SNX6: variants seen among roughly 807,000 people sequenced by gnomAD.
SNX6 encodes sorting nexin-6.
A neutral mutation model predicts 63.0 loss-of-function variants in SNX6; 34 were observed. The observed-to-expected ratio is 0.54, with a 90% CI of 0.41 to 0.72. The LOEUF (loss-of-function observed/expected upper bound fraction) is 0.72, where lower values mean the gene tolerates loss of function less well. SNX6 is among the 30% of genes least tolerant of loss of function. The pLI, the probability that SNX6 is intolerant of heterozygous loss-of-function variation, is 0.00. For synonymous variants in SNX6, 170 were observed against 164.2 expected (o/e 1.04, Z -0.27); for missense variants, 398 against 471.4 (o/e 0.84, Z 1.44).
chr14:34,593,419 A>T (rs1190536949), intron 7 of SNX6, among the ~76,000 whole-genome samples: 6 of 148,292 alleles, frequency 4.0e-5, no homozygotes, highest in Non-Finnish European at 4.5e-5. Flanking sequence ...TTTTTTTTTG[A>T]GATGGAGTCT....
intron 2 of SNX6, among the ~76,000 whole-genome samples, chr14:34,615,851 C>A (rs1182026386): frequency 6.6e-6 from 1 of 152,190 alleles, no homozygotes; most frequent in Non-Finnish European, 1.5e-5. Context: ...AATAAAATCA[C>A]CCCCCACCAT....
chr14:34,568,868 C>A, intron 11 of SNX6: 3 of 1,111,976 alleles, frequency 2.7e-6, no homozygotes, highest in Non-Finnish European at 4.1e-6. Context: ...CCAGGCATGC[C>A]GCCACTTCTC....
intron 2 of SNX6, among the ~76,000 whole-genome samples, chr14:34,613,035 T>A (rs1313802968): frequency 9.1e-6 from 1 of 109,530 alleles, no homozygotes; most frequent in African/African-American, 3.3e-5. Context: ...AGAGTGAGAC[T>A]CTATCCAAAA....
chr14:34,588,448 A>G (rs533385613), intron 8 of SNX6, among the ~76,000 whole-genome samples: 5 of 152,108 alleles, frequency 3.3e-5, no homozygotes, highest in Admixed American at 1.3e-4. Flanking sequence ...ATTGGGTTTC[A>G]CCATGTTGCC....
chr14:34,586,350 T>TA, intron 8 of SNX6, 45 bp from the exon 9 acceptor site: 1 of 1,241,552 alleles, frequency 8.1e-7, no homozygotes, highest in Non-Finnish European at 1.2e-6. Flanking sequence ...TTCATAGATT[T>TA]AAAAATACTT....
chr14:34,606,352 C>T (rs907197877), intron 4 of SNX6, among the ~76,000 whole-genome samples: 4 of 151,830 alleles, frequency 2.6e-5, no homozygotes, highest in Non-Finnish European at 5.9e-5. Context: ...AACTCCTGGC[C>T]TCAGGTGATC....
chr14:34,624,012 T>C (rs1883728261), intron 2 of SNX6, among the ~76,000 whole-genome samples: 1 of 152,194 alleles, frequency 6.6e-6, no homozygotes, highest in South Asian at 2.1e-4. Context: ...ACCTATTATA[T>C]AGAGGTAGGG....
chr14:34,605,715 A>C lies in SNX6; in HGVS notation c.273T>G (p.Ile91Met). The C allele has an allele frequency of 1.3e-6, 2 of 1,593,576 alleles. No individual in the cohort carries two copies. Among genetic ancestry groups the C allele is most frequent in the African/African-American group, 1.4e-5 (1 of 73,270 alleles). ...AATCAGGTCTTGGTGGTGCTGGTGG[A>C]ATCTGTAACAGGACCAAATGACTAA... ...VENEDYAGYI[I>M]PPAPPRPDFD... is the part of the protein sequence containing the mutation. Residue 91 changes from isoleucine to methionine, a missense_variant and splice_region_variant, in exon 5 of 14, where the codon ATT becomes ATG. Coordinates refer to ENST00000362031, the MANE Select transcript of SNX6 (RefSeq NM_152233.4).
At chr14:34,605,178 C>T (rs1273617090) in intron 5 of SNX6, among the ~76,000 whole-genome samples, 1 of 151,072 alleles carries the variant, frequency 6.6e-6, no homozygotes, top group Non-Finnish European at 1.5e-5. Flanking sequence ...AATATGCCCA[C>T]ATTGAAAAAA....
chr14:34,571,658 T>A (rs1016968558), intron 11 of SNX6, among the ~76,000 whole-genome samples: 30 of 152,118 alleles, frequency 2.0e-4, no homozygotes, highest in Non-Finnish European at 1.0e-4. Context: ...ACAACAAAAA[T>A]ACTGTGTATA....
chr14:34,573,065 T>C (rs1471509212), intron 11 of SNX6, among the ~76,000 whole-genome samples: 1 of 152,084 alleles, frequency 6.6e-6, no homozygotes, highest in Non-Finnish European at 1.5e-5. Context: ...CACTGCAGCT[T>C]TGAACTCCTG....
intron 2 of SNX6, among the ~76,000 whole-genome samples, chr14:34,622,084 T>C (rs1383491486): frequency 1.3e-5 from 2 of 149,896 alleles, no homozygotes; most frequent in Non-Finnish European, 3.0e-5. Context: ...TCAGTTTCCC[T>C]AGTAGCTGGG....
intron 2 of SNX6, among the ~76,000 whole-genome samples, chr14:34,627,603 C>T (rs1322992002): frequency 6.6e-6 from 1 of 152,158 alleles, no homozygotes; most frequent in South Asian, 2.1e-4. Flanking sequence ...GATTCTCCTG[C>T]CTCAGCCTCT....
At position 34,629,943 on chromosome 14, in the gene SNX6, G is replaced by A; in HGVS notation, c.18C>T (p.Asp6=). ...CTTCTGAGAGGAAGTCCGGGCCGTC[G>A]TCCAGGCCTTCCTGTGGGGTCGGCG... MMEGL[D]DGPDFLSEED... Residue 6 remains aspartate, a synonymous_variant, in exon 2 of 14, where the codon GAC becomes GAT. Coordinates refer to ENST00000362031, the MANE Select transcript of SNX6 (RefSeq NM_152233.4). 1 of 1,548,924 alleles carries A rather than the reference G, an allele frequency of 6.5e-7. No individual in the cohort carries two copies. Among genetic ancestry groups the A allele is most frequent in the South Asian group, 1.2e-5 (1 of 82,856 alleles).
Position 34,566,717 on chromosome 14 carries a change from G to A in SNX6, c.1167+969C>T, listed in dbSNP as rs144579836. ...TTCTTAAAATTACTATAAGGTTTAG[G>A]CCAAACTTTCTATTAACTACAAGAA... On this transcript the variant is annotated intron_variant, in intron 13 of 13. Transcript: ENST00000362031. 9.5e-4 allele frequency among the ~76,000 whole-genome samples: 145 copies of A among 152,090 alleles called. 3 individuals carry two copies. The East Asian group carries it at 0.025, about 27-fold the overall frequency.
chr14:34,617,437 C>T (rs943848682), intron 2 of SNX6, among the ~76,000 whole-genome samples: 4 of 151,660 alleles, frequency 2.6e-5, no homozygotes, highest in African/African-American at 4.9e-5. Context: ...GTCAGGAGTT[C>T]GAGACCAGCA....
chr14:34,628,445 C>G (rs1262628046), intron 2 of SNX6, among the ~76,000 whole-genome samples: 3 of 151,992 alleles, frequency 2.0e-5, no homozygotes, highest in African/African-American at 4.8e-5. Flanking sequence ...GGTGACAGAG[C>G]AAGACTCCGT....
At chr14:34,568,820 C>T in intron 11 of SNX6, 1 of 1,028,998 alleles carries the variant, frequency 9.7e-7, no homozygotes, top group Non-Finnish European at 1.5e-6. Context: ...GCTTGGAGGA[C>T]CCGGTGGGCC....
At position 34,568,654 on chromosome 14, in the gene SNX6, G is replaced by A. The variant is rs562245739; in HGVS notation, c.922-641C>T. On this transcript the variant is annotated intron_variant, in intron 11 of 13. Coordinates refer to ENST00000362031, the MANE Select transcript of SNX6 (RefSeq NM_152233.4). ...AGCCTGTTTTTTTTTTTTTTTTAAC[G>A]AATGAGGCAATTTATTAACCCAGCA... is the stretch of plus-strand genomic sequence containing the variant. 109 of 696,048 alleles carry A rather than the reference G, an allele frequency of 1.6e-4. No individual in the cohort carries two copies. The African/African-American group carries it at 1.8e-3, about 11-fold the overall frequency. The allele number at this position is 696,048 out of a possible 1,614,324, so 43.1% of individuals were successfully genotyped here. A position where few individuals can be genotyped will look rare whatever the true frequency, so the allele number is the denominator to read the frequency against.
Sources: gnomAD v4.1 joint callset for allele counts (sites outside exome capture counted in the v4.1 genomes callset) on GRCh38, gnomAD v4.1.1 for gene constraint, MANE v1.5 for transcripts, NCBI Gene and HGNC (gene_info 2026-07-23, HGNC 2026-07-21) for gene names.